CDH9: variants seen among roughly 807,000 people sequenced by gnomAD.
CDH9 encodes the protein cadherin 9.
CDH9 carries 28 observed loss-of-function variants against 70.9 expected under a neutral mutation model. The observed-to-expected ratio is 0.40, with a 90% CI of 0.29 to 0.54. CDH9 has a LOEUF of 0.54. Among genes scored for constraint, CDH9 ranks in the 20% least tolerant of loss-of-function variants. CDH9 has a pLI of 0.59. For synonymous variants in CDH9, 409 were observed against 343.1 expected (o/e 1.19, Z -2.12); for missense variants, 874 against 984.4 (o/e 0.89, Z 1.50).
At chr5:26,908,189 C>T (rs933723809) in intron 3 of CDH9, among the ~76,000 whole-genome samples, 4 of 152,102 alleles carry the variant, frequency 2.6e-5, no homozygotes, top group Non-Finnish European at 4.4e-5. Flanking sequence ...TGAATGGAAA[C>T]ATTGCATATT....
intron 2 of CDH9, among the ~76,000 whole-genome samples, chr5:26,968,940 AAC>A (rs1319435029): frequency 1.3e-5 from 2 of 152,212 alleles, no homozygotes; most frequent in Non-Finnish European, 1.5e-5. Context: ...ACTGAACTGA[AAC>A]ACACAGTCTG....
At chr5:27,002,375 A>G (rs1464969318) in intron 1 of CDH9, among the ~76,000 whole-genome samples, 1 of 152,154 alleles carries the variant, frequency 6.6e-6, no homozygotes, top group Non-Finnish European at 1.5e-5. Flanking sequence ...TTCCTCAAGG[A>G]TCTAGAATTA....
At chr5:26,895,008 A>G (rs1421266695) in intron 7 of CDH9, among the ~76,000 whole-genome samples, 1 of 152,082 alleles carries the variant, frequency 6.6e-6, no homozygotes, top group African/African-American at 2.4e-5. Context: ...CATGTATCAT[A>G]TATCTATATT....
At chr5:26,974,814 T>TTC (rs1554001501) in intron 2 of CDH9, among the ~76,000 whole-genome samples, 1 of 150,060 alleles carries the variant, frequency 6.7e-6, no homozygotes, top group East Asian at 2.0e-4. Context: ...AGTTACCCTT[T>TTC]TGTGTGTGTG....
chr5:26,940,412 A>T (rs997564851), intron 2 of CDH9, among the ~76,000 whole-genome samples: 1 of 152,166 alleles, frequency 6.6e-6, no homozygotes, highest in Non-Finnish European at 1.5e-5. Context: ...TGCAAAATTG[A>T]TTAATGGTAC....
chr5:26,963,363 A>G (rs986626973), intron 2 of CDH9, among the ~76,000 whole-genome samples: 3 of 152,162 alleles, frequency 2.0e-5, no homozygotes, highest in Admixed American at 6.5e-5. Flanking sequence ...GTGTAAGTCA[A>G]TTATGTCTGA....
chr5:26,922,138 G>A (rs1329078056), intron 2 of CDH9, among the ~76,000 whole-genome samples: 3 of 151,430 alleles, frequency 2.0e-5, no homozygotes, highest in Non-Finnish European at 2.9e-5. Context: ...GCCTTAAAGA[G>A]GAGAGAGAGA....
chr5:27,030,903 T>A (rs1579523421), intron 1 of CDH9, among the ~76,000 whole-genome samples: 1 of 152,024 alleles, frequency 6.6e-6, no homozygotes, highest in Non-Finnish European at 1.5e-5. Flanking sequence ...TATTTGAATT[T>A]TTTTAGTGTA....
At chr5:26,932,622 T>C (rs1317330124) in intron 2 of CDH9, among the ~76,000 whole-genome samples, 1 of 152,128 alleles carries the variant, frequency 6.6e-6, no homozygotes, top group East Asian at 1.9e-4. Context: ...AATGTCTTTA[T>C]CTCTTTAATC....
At chr5:26,960,212 C>T (rs959789787) in intron 2 of CDH9, among the ~76,000 whole-genome samples, 1 of 151,888 alleles carries the variant, frequency 6.6e-6, no homozygotes, top group Admixed American at 6.6e-5. Flanking sequence ...TAGCAATGAC[C>T]TCGGACACTG....
intron 2 of CDH9, among the ~76,000 whole-genome samples, chr5:26,979,798 G>A (rs1742368402): frequency 6.6e-6 from 1 of 151,606 alleles, no homozygotes; most frequent in Admixed American, 6.6e-5. Flanking sequence ...CACAGGTAAA[G>A]GTTGGTATTC....
rs544944466 is a variant in CDH9 at position 27,014,864 on chromosome 5, C to A, written c.-50+23599G>T. ...TAAGAGTTTTTCAATAAATAAGAATCTGTGAATCCAAAGTGTTTTAAATAA... is the reference window on the plus strand; with the variant it reads ...TAAGAGTTTTTCAATAAATAAGAATATGTGAATCCAAAGTGTTTTAAATAA... On this transcript the variant is annotated intron_variant, in intron 1 of 11. Coordinates refer to ENST00000231021, the MANE Select transcript of CDH9 (RefSeq NM_016279.4). Among the ~76,000 whole-genome samples, 12 of 151,916 alleles carry A rather than the reference C, an allele frequency of 7.9e-5. No individual in the cohort carries two copies. In the East Asian group the frequency reaches 1.6e-3, roughly 20 times the overall value.
At chr5:26,887,071 G>C (rs1452624751) in intron 9 of CDH9, among the ~76,000 whole-genome samples, 1 of 152,020 alleles carries the variant, frequency 6.6e-6, no homozygotes, top group Non-Finnish European at 1.5e-5. Flanking sequence ...ATACTCACTA[G>C]TCAGTGTTAT....
At chr5:26,905,937 A>G in intron 5 of CDH9, 22 bp downstream of exon 5, 1 of 1,596,760 alleles carries the variant, frequency 6.3e-7, no homozygotes, top group Non-Finnish European at 8.6e-7. Flanking sequence ...TTTGGACATG[A>G]GATCACTGAA....
At chr5:26,895,563 G>A (rs551791054) in intron 7 of CDH9, among the ~76,000 whole-genome samples, 90 of 152,040 alleles carry the variant, frequency 5.9e-4, no homozygotes, top group Admixed American at 1.8e-3. Context: ...AATACGTTAA[G>A]CATAAAATAG....
chr5:27,021,908 A>C (rs2112126225), intron 1 of CDH9, among the ~76,000 whole-genome samples: 1 of 152,080 alleles, frequency 6.6e-6, no homozygotes, highest in East Asian at 1.9e-4. Context: ...TTTACCTATA[A>C]ATAATTAATT....
In CDH9 at chr5:26,881,387, A is replaced by C. The variant is rs375707694; in HGVS notation, c.2119T>G (p.Trp707Gly). 1.2e-6 allele frequency: 2 copies of C among 1,613,680 alleles called. No individual in the cohort carries two copies. Among genetic ancestry groups the C allele is most frequent in the Admixed American group, 3.3e-5 (2 of 59,914 alleles). Residue 707 changes from tryptophan (W) to glycine (G), a missense_variant, in exon 12 of 12, where the codon TGG becomes GGG. By Grantham distance (184) the Trp-to-Gly change is radical (BLOSUM62 -2). Transcript: ENST00000231021. ...IFQIRRTVPLWENIDVQDFIH... is the reference protein window; with the variant it reads ...IFQIRRTVPLGENIDVQDFIH... ...AAATCTTGTACATCAATATTTTCCC[A>C]CAGAGGCACAGTCCTCCTTATCTGA...
At chr5:26,917,920 A>T (rs555967787) in intron 2 of CDH9, among the ~76,000 whole-genome samples, 2 of 152,326 alleles carry the variant, frequency 1.3e-5, no homozygotes, top group Middle Eastern at 6.8e-3. Flanking sequence ...CAGAGTTAGC[A>T]TCATGCACAT....
intron 2 of CDH9, among the ~76,000 whole-genome samples, chr5:26,953,355 T>A (rs1446079917): frequency 6.6e-6 from 1 of 152,196 alleles, no homozygotes; most frequent in Non-Finnish European, 1.5e-5. Flanking sequence ...TACACTACAA[T>A]TGTAATCATA....
Sources: allele counts gnomAD v4.1 joint callset (sites outside exome capture counted in the v4.1 genomes callset), GRCh38; gene constraint gnomAD v4.1.1; transcripts MANE v1.5; gene names NCBI Gene and HGNC (gene_info 2026-07-23, HGNC 2026-07-21).